Variants in ZMYM6 observed in about 807,000 individuals in gnomAD.
ZMYM6 encodes the protein zinc finger MYM-type protein 6.
ZMYM6 carries 90 observed loss-of-function variants against 134.0 expected under a neutral mutation model. That is an observed-to-expected ratio of 0.67 (90% CI 0.57 to 0.80). ZMYM6 has a LOEUF of 0.80. Among genes scored for constraint, ZMYM6 ranks in the 30% least tolerant of loss-of-function variants. ZMYM6 has a pLI of 0.00. For synonymous variants in ZMYM6, 481 were observed against 524.1 expected (o/e 0.92, Z 1.12); for missense variants, 1,362 against 1,533.9 (o/e 0.89, Z 1.87).
At chr1:34,998,074 T>A (rs1569751714) in intron 14 of ZMYM6, among the ~76,000 whole-genome samples, 2 of 150,204 alleles carry the variant, frequency 1.3e-5, no homozygotes, top group Non-Finnish European at 3.0e-5. Context: ...AGGTCAGGAG[T>A]TCAAGACCAA....
intron 11 of ZMYM6, 27 bp downstream of exon 11, chr1:35,008,725 C>A: frequency 6.3e-7 from 1 of 1,587,248 alleles, no homozygotes; most frequent in South Asian, 1.2e-5. Flanking sequence ...TTTCAGAAAG[C>A]CAAAAAAAGT....
chr1:35,004,102 G>T, intron 13 of ZMYM6, 97 bp from the exon 14 acceptor site: 2 of 1,056,558 alleles, frequency 1.9e-6, no homozygotes, highest in Non-Finnish European at 2.8e-6. Flanking sequence ...CTGGGCTAGA[G>T]TCTAAACCAG....
At position 34,992,341 on chromosome 1, in the gene ZMYM6, G is replaced by A. The variant is rs776591646; in HGVS notation, c.2039C>T (p.Ser680Phe). ...GTTCTTTAAAAGCCTGGAAGGCTGG[G>A]AAGATTGGGAAGATGGAAATTTCAT... is the stretch of plus-strand genomic sequence containing the variant. ...DAMKFPSSQS[S>F]QPSRLLKNKG... The change falls in exon 15 of 16, where the codon TCC (serine) becomes TTC (phenylalanine). Residue 680 changes from serine to phenylalanine, a missense_variant. By Grantham distance (155) the Ser-to-Phe change is radical (BLOSUM62 -2). Around this residue, in one of 3 missense-constraint regions of ZMYM6, gnomAD observed 824 missense variants for 940.9 expected, o/e 0.88. Transcript: ENST00000357182. 5.0e-6 allele frequency: 8 copies of A among 1,613,944 alleles called. No homozygotes were observed. The African/African-American group carries it at 8.0e-5, about 16-fold the overall frequency.
chr1:35,015,931 T>C (rs888784045), intron 4 of ZMYM6, among the ~76,000 whole-genome samples: 3 of 143,490 alleles, frequency 2.1e-5, no homozygotes, highest in Non-Finnish European at 4.4e-5. Context: ...AGACAATAAA[T>C]GAATTTTTTC....
At chr1:35,004,703 G>T (rs1445587772) in intron 13 of ZMYM6, among the ~76,000 whole-genome samples, 2 of 152,128 alleles carry the variant, frequency 1.3e-5, no homozygotes, top group Non-Finnish European at 2.9e-5. Flanking sequence ...TGAGGCGGGG[G>T]TGGGGAGGCG....
intron 14 of ZMYM6, among the ~76,000 whole-genome samples, chr1:34,995,056 A>ATATATGTAATATATATACTTACATACG: frequency 7.8e-6 from 1 of 128,748 alleles, no homozygotes; most frequent in South Asian, 2.5e-4. Context: ...TTACATACGT[A>ATATATGTAATATATATACTTACATACG]TATATATGTA....
rs145161010 is a variant in ZMYM6 at position 35,002,660 on chromosome 1, T to G, written c.1992+1308A>C. Among the ~76,000 whole-genome samples the G allele has an allele frequency of 6.0e-3, 913 of 152,336 alleles. 7 individuals carry two copies. The highest frequency in any genetic ancestry group is 0.021 in the African/African-American group (854 of 41,570). ...AGTTTTTTGAGCACTACTGCTAATA[T>G]TCTGCTGGGTACACTCTCCTAAATT... On this transcript the variant is annotated intron_variant, in intron 14 of 15. Transcript: ENST00000357182.
intron 2 of ZMYM6, among the ~76,000 whole-genome samples, chr1:35,025,895 G>A (rs965439365): frequency 3.9e-5 from 6 of 152,144 alleles, no homozygotes; most frequent in Non-Finnish European, 8.8e-5. Context: ...AGGGTTGTGA[G>A]CATCGAATGG....
intron 14 of ZMYM6, 88 bp from the exon 15 acceptor site, chr1:34,992,475 T>G (rs554976569): frequency 7.2e-7 from 1 of 1,384,310 alleles, no homozygotes; most frequent in Admixed American, 2.6e-5. Context: ...AAAGTTCATA[T>G]ACATCAAGAG....
intron 3 of ZMYM6, 134 bp from the exon 4 acceptor site, chr1:35,019,736 A>C: frequency 1.8e-6 from 2 of 1,100,690 alleles, no homozygotes; most frequent in Non-Finnish European, 2.5e-6. Flanking sequence ...GCAGTGGTGC[A>C]ATCAAGGCTC....
At chr1:35,025,503 A>G (rs75424261) in intron 2 of ZMYM6, among the ~76,000 whole-genome samples, 8,308 of 149,886 alleles carry the variant, frequency 0.055, 529 homozygotes, top group East Asian at 0.37. Flanking sequence ...GAAAAAAAAA[A>G]GGTGGCACAA....
In ZMYM6 at chr1:34,987,604, CTT is replaced by C; in HGVS notation, c.3476_3477del (p.Gln1159ArgfsTer3). The C allele has an allele frequency of 6.2e-7, 1 of 1,610,380 alleles. No individual in the cohort carries two copies. Among genetic ancestry groups the C allele is most frequent in the Non-Finnish European group, 8.5e-7 (1 of 1,177,964 alleles). On this transcript the variant is annotated frameshift_variant, in exon 16 of 16. Coordinates refer to ENST00000357182, the MANE Select transcript of ZMYM6 (RefSeq NM_007167.4). LOFTEE classifies it high-confidence loss of function. ...GAAGGGAACATGTCATAATCATTCT[CTT>C]GTGTGCGCTTCAACCACATTTTTAA... ...RKLKMWLKRT[Q>X]ENDYDMFPSF...
At chr1:35,023,801 T>C (rs777036215) in intron 2 of ZMYM6, among the ~76,000 whole-genome samples, 3 of 151,854 alleles carry the variant, frequency 2.0e-5, no homozygotes, top group Non-Finnish European at 4.4e-5. Context: ...TTTTTGTATT[T>C]TTAGTAGAGA....
In ZMYM6 at chr1:35,019,433, G is replaced by A; in HGVS notation, c.348C>T (p.Cys116=). Residue 116 remains cysteine (C), a synonymous_variant, in exon 4 of 16, where the codon TGC becomes TGT. Coordinates refer to ENST00000357182, the MANE Select transcript of ZMYM6 (RefSeq NM_007167.4). ...AATGTCTGGTGATGCATCGTGTGGA[G>A]CAGAAGAGCTGAGTAGATCCTGTCT... The part of the protein sequence containing the change: ...YHKTGSTQLF[C]STRCITRHSS... 1 of 1,614,198 alleles carries A rather than the reference G, an allele frequency of 6.2e-7. No homozygotes were observed. The highest frequency in any genetic ancestry group is 8.5e-7 in the Non-Finnish European group (1 of 1,180,032).
intron 14 of ZMYM6, among the ~76,000 whole-genome samples, chr1:34,993,257 G>A (rs906076860): frequency 3.3e-5 from 5 of 151,544 alleles, no homozygotes; most frequent in African/African-American, 4.9e-5. Flanking sequence ...GACCACAGGC[G>A]TGCGCCACCA....
chr1:35,019,438 A>C lies in ZMYM6; in HGVS notation c.343T>G (p.Phe115Val), dbSNP rs1641264953. 2 of 1,614,208 alleles carry C rather than the reference A, an allele frequency of 1.2e-6. No individual in the cohort carries two copies. The highest frequency in any genetic ancestry group is 1.7e-6 in the Non-Finnish European group (2 of 1,180,040). Residue 115 changes from phenylalanine (F) to valine (V), a missense_variant, in exon 4 of 16, where the codon TTC (phenylalanine) becomes GTC (valine). By Grantham distance (50) the Phe-to-Val change is conservative. Transcript: ENST00000357182. ...CTGGTGATGCATCGTGTGGAGCAGAAGAGCTGAGTAGATCCTGTCTTATGA... is the reference window on the plus strand; with the variant it reads ...CTGGTGATGCATCGTGTGGAGCAGACGAGCTGAGTAGATCCTGTCTTATGA... ...AYHKTGSTQL[F>V]CSTRCITRHS...
Position 34,988,041 on chromosome 1 carries a change from C to T in ZMYM6, c.3041G>A (p.Arg1014His), listed in dbSNP as rs1266661656. ...TAAFTHCFIHRERLVAEKLSP... is the reference protein window; with the variant it reads ...TAAFTHCFIHHERLVAEKLSP... ...CAACTTTTCTGCCACTAAACGTTCACGGTGAATAAAACAATGTGTAAATGC... is the reference window on the plus strand; with the variant it reads ...CAACTTTTCTGCCACTAAACGTTCATGGTGAATAAAACAATGTGTAAATGC... Residue 1014 changes from arginine (R) to histidine (H), a missense_variant, in exon 16 of 16, where the codon CGT becomes CAT. This residue lies in a region of ZMYM6 where 824 missense variants were observed against 940.9 expected (regional missense o/e 0.88). Coordinates refer to ENST00000357182, the MANE Select transcript of ZMYM6 (RefSeq NM_007167.4). 1.4e-5 allele frequency: 22 copies of T among 1,551,366 alleles called. No individual in the cohort carries two copies. Among genetic ancestry groups the T allele is most frequent in the East Asian group, 2.4e-5 (1 of 40,928 alleles).
chr1:35,021,975 AT>A (rs1044768356), intron 2 of ZMYM6, among the ~76,000 whole-genome samples: 4 of 152,244 alleles, frequency 2.6e-5, no homozygotes, highest in African/African-American at 9.6e-5. Flanking sequence ...AATGATGGTA[AT>A]AAATGGCAGT....
chr1:35,010,723 G>A (rs746640258), intron 9 of ZMYM6, 35 bp downstream of exon 9: 2 of 1,539,062 alleles, frequency 1.3e-6, no homozygotes, highest in East Asian at 4.5e-5. Flanking sequence ...TACTGGATGA[G>A]TTTATATACA....
Sources: gnomAD v4.1 joint callset for allele counts (sites outside exome capture counted in the v4.1 genomes callset) on GRCh38, gnomAD v4.1.1 for gene constraint, gnomAD v4.1.1 regional missense constraint, MANE v1.5 for transcripts, NCBI Gene and HGNC (gene_info 2026-07-23, HGNC 2026-07-21) for gene names.